The following ZNF33B variants were observed in gnomAD, a reference collection of about 807,000 sequenced individuals.
The protein encoded by ZNF33B is zinc finger protein 33B, also known as zinc finger protein 11b (KOX 2).
In ZNF33B, 29 loss-of-function variants were observed where a neutral mutation model predicts 45.8. The ratio of observed to expected loss-of-function variants is 0.63; its 90% CI spans 0.47 to 0.86. ZNF33B has a LOEUF of 0.86. ZNF33B is among the 40% of genes least tolerant of loss of function. The pLI is 0.00. For synonymous variants in ZNF33B, 305 were observed against 307.8 expected (o/e 0.99, Z 0.10); for missense variants, 831 against 909.9 (o/e 0.91, Z 1.12).
intron 4 of ZNF33B, among the ~76,000 whole-genome samples, chr10:42,604,482 G>A (rs1355112173): frequency 1.3e-5 from 2 of 152,048 alleles, no homozygotes; most frequent in Non-Finnish European, 2.9e-5. Context: ...TGTTCATAAG[G>A]AAACACTATT....
At chr10:42,599,445 GTGTATATTACATATATACATA>G (rs55755531) in intron 4 of ZNF33B, among the ~76,000 whole-genome samples, 146,656 of 150,562 alleles carry the variant, frequency 0.97, 71,454 homozygotes, top group East Asian at 1. Flanking sequence ...CTTCATACAT[GTGTATATTACATATATACATA>G]TGTATATTAC....
At chr10:42,637,101 C>G (rs542252751) in intron 1 of ZNF33B, 129 bp from the exon 2 acceptor site, 2 of 809,514 alleles carry the variant, frequency 2.5e-6, no homozygotes, top group Non-Finnish European at 4.0e-6. Context: ...TATCAATGTC[C>G]TCTGACACTT....
At chr10:42,583,572 C>T (rs1213080012) in intron 1 of ZNF33B, among the ~76,000 whole-genome samples, 2 of 152,182 alleles carry the variant, frequency 1.3e-5, no homozygotes, top group East Asian at 1.9e-4. Context: ...TTATCTCCAT[C>T]CCAGGCTTCT....
intron 4 of ZNF33B, among the ~76,000 whole-genome samples, chr10:42,599,455 CATAT>C: frequency 2.2e-3 from 1 of 452 alleles, no homozygotes; most frequent in Non-Finnish European, 4.0e-3. Flanking sequence ...GTGTATATTA[CATAT>C]ATACATATGT....
intron 4 of ZNF33B, among the ~76,000 whole-genome samples, chr10:42,630,399 T>C (rs925981417): frequency 1.3e-5 from 2 of 152,210 alleles, no homozygotes; most frequent in African/African-American, 4.8e-5. Flanking sequence ...TTTTTTGTCT[T>C]TAGTTTTCAA....
downstream of ZNF33B, among the ~76,000 whole-genome samples, chr10:42,586,883 T>C (rs375135171): frequency 6.6e-6 from 1 of 152,060 alleles, no homozygotes; most frequent in East Asian, 1.9e-4. Context: ...TTATAAGCAA[T>C]AGAAATTTAC....
intron 4 of ZNF33B, among the ~76,000 whole-genome samples, chr10:42,595,842 G>C (rs1168243355): frequency 2.0e-5 from 3 of 152,150 alleles, no homozygotes; most frequent in African/African-American, 4.8e-5. Context: ...TAGAATTACA[G>C]CTTCCACAAT....
rs541835037 is a variant in ZNF33B, at chr10:42,637,814, G to A, written c.-45+660C>T. Reference sequence around the variant, plus strand: ...ATTACAGTCATAGGCCACCACGCATGGCTACTTTTAGTATTTTTAGTAGAG... The same window carrying A: ...ATTACAGTCATAGGCCACCACGCATAGCTACTTTTAGTATTTTTAGTAGAG... On this transcript the variant is annotated intron_variant, in intron 1 of 4. Transcript: ENST00000359467. Among the ~76,000 whole-genome samples, 7 of 152,216 alleles carry A rather than the reference G, an allele frequency of 4.6e-5. No homozygotes were observed. In the South Asian group the frequency reaches 8.3e-4, roughly 18 times the overall value.
downstream of ZNF33B, among the ~76,000 whole-genome samples, chr10:42,588,682 G>C (rs542330724): frequency 6.6e-6 from 1 of 152,364 alleles, no homozygotes; most frequent in East Asian, 1.9e-4. Flanking sequence ...AAGTGGAAAA[G>C]AAGGGGTTGT....
intron 1 of ZNF33B, chr10:42,582,523 G>A (rs970563162): frequency 5.2e-5 from 8 of 152,538 alleles, no homozygotes; most frequent in Admixed American, 4.6e-4. Context: ...GGGTGGGGAA[G>A]AGGTGAAGGA....
downstream of ZNF33B, among the ~76,000 whole-genome samples, chr10:42,586,099 C>T (rs1221795161): frequency 1.3e-5 from 2 of 151,992 alleles, no homozygotes; most frequent in African/African-American, 2.4e-5. Flanking sequence ...TGTGCATACT[C>T]CAAACCCACT....
chr10:42,625,545 G>T (rs114579516), intron 4 of ZNF33B, among the ~76,000 whole-genome samples: 2,578 of 152,170 alleles, frequency 0.017, 78 homozygotes, highest in African/African-American at 0.059. Flanking sequence ...AATGGTGTGA[G>T]CTCGGCTCAT....
In ZNF33B at chr10:42,636,806, C is replaced by G. The variant is rs572629748; in HGVS notation, c.9+114G>C. 17 of 1,452,978 alleles carry G rather than the reference C, an allele frequency of 1.2e-5. No homozygotes were observed. In the East Asian group the frequency reaches 3.9e-4, roughly 33 times the overall value. 90.0% of individuals were successfully genotyped at this position (1,452,978 alleles called of 1,614,324 possible). ...TGGAGACACTGCGCTCCAGCCTGGG[C>G]GACAGAGCGAGACTCCATGTCACAA... On this transcript the variant is annotated intron_variant, in intron 2 of 4. Transcript: ENST00000359467.
At chr10:42,635,157 C>G (rs1043907636) in intron 2 of ZNF33B, among the ~76,000 whole-genome samples, 1 of 151,892 alleles carries the variant, frequency 6.6e-6, no homozygotes, top group African/African-American at 2.4e-5. Flanking sequence ...AGGAGAATCC[C>G]TGGAGCCCTG....
chr10:42,631,320 C>T (rs1463283024), intron 4 of ZNF33B, among the ~76,000 whole-genome samples: 1 of 152,116 alleles, frequency 6.6e-6, no homozygotes, highest in Non-Finnish European at 1.5e-5. Flanking sequence ...ATTCTCCTGC[C>T]TCAGCCTCCC....
intron 4 of ZNF33B, among the ~76,000 whole-genome samples, chr10:42,613,703 T>C (rs573479741): frequency 1.3e-5 from 2 of 152,312 alleles, no homozygotes; most frequent in Admixed American, 1.3e-4. Context: ...AAACACATGT[T>C]TAGCTTAAGA....
Position 42,593,441 on chromosome 10 carries a change from C to T in ZNF33B, c.1509G>A (p.Gly503=). The part of the protein sequence containing the change: ...GDKPYECNAC[G]KTFYHKSVLT... ...GTACTGACTTGTGGTAGAAAGTTTT[C>T]CCACATGCATTACATTCATAAGGTT... is the stretch of plus-strand genomic sequence containing the variant. Residue 503 remains glycine (G), a synonymous_variant, in exon 5 of 5, where the codon GGG becomes GGA. Transcript: ENST00000359467. The T allele has an allele frequency of 1.9e-6, 3 of 1,613,920 alleles. No homozygotes were observed. Among genetic ancestry groups the T allele is most frequent in the Non-Finnish European group, 2.5e-6 (3 of 1,179,924 alleles).
chr10:42,608,896 A>G (rs1200232790), intron 4 of ZNF33B, among the ~76,000 whole-genome samples: 1 of 151,950 alleles, frequency 6.6e-6, no homozygotes, highest in Non-Finnish European at 1.5e-5. Context: ...AAAAAAAAAG[A>G]AGATTCAAAT....
Position 42,594,287 on chromosome 10 carries a change from G to A in ZNF33B, c.663C>T (p.Tyr221=), listed in dbSNP as rs560404360. The change falls in exon 5 of 5, where the codon TAC becomes TAT. Residue 221 remains tyrosine, a synonymous_variant. Coordinates refer to ENST00000359467, the MANE Select transcript of ZNF33B (RefSeq NM_006955.3). ...CAAGGAGGGTTTCCTGACATATACT[G>A]TATTCAAAATTGTGGTCTAAAGTTT... ...KIQTLDHNFE[Y]SICQETLLEK... 2.5e-6 allele frequency: 4 copies of A among 1,613,810 alleles called. No homozygotes were observed. The highest frequency in any genetic ancestry group is 2.7e-5 in the African/African-American group (2 of 75,024).
Sources: allele counts gnomAD v4.1 joint callset (sites outside exome capture counted in the v4.1 genomes callset), GRCh38; gene constraint gnomAD v4.1.1; transcripts MANE v1.5; gene names NCBI Gene and HGNC (gene_info 2026-07-23, HGNC 2026-07-21).